NBPF11: variants seen among roughly 807,000 people sequenced by gnomAD.
NBPF11 encodes the protein NBPF family member NBPF11.
In NBPF11, 72 loss-of-function variants were observed where a neutral mutation model predicts 93.9. The ratio of observed to expected loss-of-function variants is 0.77; its 90% CI spans 0.63 to 0.93. The LOEUF (loss-of-function observed/expected upper bound fraction) is 0.93, where lower values mean the gene tolerates loss of function less well. Among genes scored for constraint, NBPF11 ranks in the 40% least tolerant of loss-of-function variants. The probability of loss-of-function intolerance (pLI) is 0.00; values close to 1 mark genes in which losing one functional copy is unlikely to be tolerated. For synonymous variants in NBPF11, 224 were observed against 304.9 expected (o/e 0.73, Z 2.76); for missense variants, 705 against 802.2 (o/e 0.88, Z 1.46).
chr1:148,103,708 G>T lies in NBPF11; in HGVS notation c.*188C>A, dbSNP rs1235527057. 14 of 1,611,254 alleles carry T rather than the reference G, an allele frequency of 8.7e-6. No homozygotes were observed. The highest frequency in any genetic ancestry group is 1.2e-5 in the Non-Finnish European group (14 of 1,179,366). On this transcript the variant is annotated 3_prime_UTR_variant, in exon 24 of 24. Transcript: ENST00000682118. Reference sequence around the variant, plus strand: ...TGACTCCCATCTGGAAGACCAGGTGGAGACTTCTCACCGTCAAAGTAAAAA... The same window carrying T: ...TGACTCCCATCTGGAAGACCAGGTGTAGACTTCTCACCGTCAAAGTAAAAA...
chr1:148,126,881 T>C lies in NBPF11; in HGVS notation c.123A>G (p.Arg41=), dbSNP rs1553273247. Residue 41 remains arginine, a synonymous_variant, in exon 5 of 24, where the codon AGA becomes AGG. Transcript: ENST00000682118. The part of the protein sequence containing the change: ...NKQQFRNLKE[R]CFLTQLAGFL... The stretch of plus-strand genomic sequence containing the variant: ...AGCCGGCCAGTTGAGTTAGAAAACA[T>C]CTCTCTTTGAGGTTTCTGAACTGCT... The C allele has an allele frequency of 3.4e-6, 5 of 1,465,074 alleles. No homozygotes were observed. The highest frequency in any genetic ancestry group is 2.9e-5 in the African/African-American group (2 of 70,070). The allele number at this position is 1,465,074 out of a possible 1,614,324, so 90.8% of individuals were successfully genotyped here. A position where few individuals can be genotyped will look rare whatever the true frequency, so the allele number is the denominator to read the frequency against.
intron 1 of NBPF11, chr1:148,146,469 G>C: frequency 6.2e-7 from 1 of 1,604,658 alleles, no homozygotes; most frequent in Non-Finnish European, 8.5e-7. Flanking sequence ...TCGCTGCCAA[G>C]CTCGCCTTCC....
chr1:148,150,728 C>CT (rs543007833), intron 1 of NBPF11, among the ~76,000 whole-genome samples: 13,644 of 135,134 alleles, frequency 0.1, 751 homozygotes, highest in Non-Finnish European at 0.13. Context: ...CAAGAAAAGG[C>CT]TTTTTTTTTT....
At chr1:148,120,433 C>T (rs1413811096) in intron 10 of NBPF11, 68 bp downstream of exon 10, 25 of 803,504 alleles carry the variant, frequency 3.1e-5, no homozygotes, top group Non-Finnish European at 4.8e-5. Context: ...GGAGAGAGCA[C>T]TTAGTTTCTC....
At chr1:148,105,831 G>A (rs370603618) in intron 21 of NBPF11, among the ~76,000 whole-genome samples, 5 of 138,838 alleles carry the variant, frequency 3.6e-5, no homozygotes, top group Admixed American at 3.6e-4. Context: ...CACTGATGAG[G>A]GAGTAACAGG....
intron 2 of NBPF11, among the ~76,000 whole-genome samples, chr1:148,139,839 G>A (rs1671900062): frequency 6.7e-6 from 1 of 148,574 alleles, no homozygotes; most frequent in Admixed American, 6.8e-5. Flanking sequence ...AGTGGGAGGA[G>A]CACTTAAATG....
chr1:148,127,099 A>G, intron 4 of NBPF11, 61 bp from the exon 5 acceptor site: 1 of 486,386 alleles, frequency 2.1e-6, no homozygotes, highest in East Asian at 3.1e-5. Context: ...AATAGGTTTA[A>G]TCAGGACTGA....
chr1:148,111,920 C>T (rs1400441158), intron 15 of NBPF11, among the ~76,000 whole-genome samples: 6 of 150,410 alleles, frequency 4.0e-5, no homozygotes, highest in South Asian at 4.2e-4. Context: ...AGATACTCCT[C>T]GAGAAGAGCA....
intron 23 of NBPF11, among the ~76,000 whole-genome samples, 190 bp from the exon 24 acceptor site, chr1:148,104,102 CAG>C (rs1193776076): frequency 7.2e-6 from 1 of 139,746 alleles, no homozygotes; most frequent in Non-Finnish European, 1.5e-5. Flanking sequence ...AAGAGAAAGA[CAG>C]AGAGAGAGAG....
rs55994625 is a variant in NBPF11 at position 148,149,788 on chromosome 1, TAA to T, written c.-549+1960_-549+1961del. Among the ~76,000 whole-genome samples, 474 of 136,576 alleles carry T rather than the reference TAA, an allele frequency of 3.5e-3. 11 individuals carry two copies. In the East Asian group the frequency reaches 0.042, roughly 12 times the overall value. 89.6% of individuals were successfully genotyped at this position (136,576 alleles called of 152,430 possible). ...AAAACGGAAATTAAAGATTTAAAAT[TAA>T]AAAAAAAAAAAAGATTTAACAGGCA... is the stretch of plus-strand genomic sequence containing the variant. On this transcript the variant is annotated intron_variant, in intron 1 of 23. Transcript: ENST00000682118.
intron 15 of NBPF11, among the ~76,000 whole-genome samples, chr1:148,114,148 A>T (rs1287620503): frequency 7.0e-5 from 10 of 141,946 alleles, no homozygotes; most frequent in African/African-American, 2.7e-4. Flanking sequence ...GACACAAAAA[A>T]CCCTTCAAAA....
intron 1 of NBPF11, among the ~76,000 whole-genome samples, chr1:148,144,195 A>ACTGGTCTAT (rs1175888428): frequency 1.3e-5 from 2 of 148,158 alleles, no homozygotes; most frequent in Non-Finnish European, 3.0e-5. Context: ...AATCTCATCT[A>ACTGGTCTAT]CTGGTCTATC....
At position 148,115,943 on chromosome 1, in the gene NBPF11, C is replaced by T; in HGVS notation, c.1435G>A (p.Ala479Thr). ...CCATGGCTATTTGAACAAGTGATGGCACACTCCTCCAGTGAGTCCTCAGGG... is the reference window on the plus strand; with the variant it reads ...CCATGGCTATTTGAACAAGTGATGGTACACTCCTCCAGTGAGTCCTCAGGG... ...EVPEDSLEECAITCSNSHGPY... is the reference protein window; with the variant it reads ...EVPEDSLEECTITCSNSHGPY... Residue 479 changes from alanine (A) to threonine (T), a missense_variant, in exon 14 of 24, where the codon GCC becomes ACC. This residue lies in a region of NBPF11 where 54 missense variants were observed against 91.8 expected (regional missense o/e 0.59). Coordinates refer to ENST00000682118, the MANE Select transcript of NBPF11 (RefSeq NM_001385469.3). 6.3e-7 allele frequency: 1 copy of T among 1,587,314 alleles called. No individual in the cohort carries two copies. The highest frequency in any genetic ancestry group is 8.6e-7 in the Non-Finnish European group (1 of 1,164,418).
At chr1:148,127,787 C>T (rs1373586183) in intron 4 of NBPF11, among the ~76,000 whole-genome samples, 11,142 of 146,464 alleles carry the variant, frequency 0.076, 145 homozygotes, top group Middle Eastern at 0.16. Flanking sequence ...GGAATACAGG[C>T]GCCCGCCACC....
intron 7 of NBPF11, 99 bp from the exon 8 acceptor site, chr1:148,122,900 C>G (rs1668211733): frequency 6.3e-7 from 1 of 1,598,368 alleles, no homozygotes; most frequent in African/African-American, 1.4e-5. Context: ...ATGTATGGTT[C>G]AGCATTGTAC....
chr1:148,127,093 G>C, intron 4 of NBPF11, 55 bp from the exon 5 acceptor site: 2 of 492,856 alleles, frequency 4.1e-6, no homozygotes, highest in Non-Finnish European at 6.9e-6. Flanking sequence ...AAATCAAATA[G>C]GTTTAATCAG....
intron 1 of NBPF11, among the ~76,000 whole-genome samples, chr1:148,150,738 T>C (rs1327339643): frequency 6.6e-6 from 1 of 150,908 alleles, no homozygotes; most frequent in Non-Finnish European, 1.5e-5. Flanking sequence ...CTTTTTTTTT[T>C]TTTTTTAGAG....
chr1:148,147,593 T>G (rs1240269638), intron 1 of NBPF11, among the ~76,000 whole-genome samples: 1 of 152,022 alleles, frequency 6.6e-6, no homozygotes, highest in Non-Finnish European at 1.5e-5. Flanking sequence ...CGCCATCCAC[T>G]GGGCCTGTCT....
intron 3 of NBPF11, among the ~76,000 whole-genome samples, chr1:148,137,153 G>T (rs2149279784): frequency 6.6e-6 from 1 of 152,066 alleles, no homozygotes; most frequent in African/African-American, 2.4e-5. Context: ...AGATGGTGAG[G>T]TTACCGCATG....
Sources: gnomAD v4.1 joint callset for allele counts (sites outside exome capture counted in the v4.1 genomes callset) on GRCh38, gnomAD v4.1.1 for gene constraint, gnomAD v4.1.1 regional missense constraint, MANE v1.5 for transcripts, NCBI Gene and HGNC (gene_info 2026-07-23, HGNC 2026-07-21) for gene names.